The following JAKMIP3 variants were observed in gnomAD, a reference collection of about 807,000 sequenced individuals.
JAKMIP3 encodes Janus kinase and microtubule interacting protein 3, also known as janus kinase and microtubule-interacting protein 3.
In JAKMIP3, 58 loss-of-function variants were observed where a neutral mutation model predicts 118.5. The ratio of observed to expected loss-of-function variants is 0.49; its 90% CI spans 0.40 to 0.61. JAKMIP3 has a LOEUF of 0.61. JAKMIP3 is among the 20% of genes least tolerant of loss of function. The probability of loss-of-function intolerance (pLI) is 0.00; values close to 1 mark genes in which losing one functional copy is unlikely to be tolerated. For synonymous variants in JAKMIP3, 486 were observed against 451.2 expected (o/e 1.08, Z -0.98); for missense variants, 950 against 1,109.0 (o/e 0.86, Z 2.04).
intron 21 of JAKMIP3, among the ~76,000 whole-genome samples, chr10:132,166,319 C>A (rs1291849691): frequency 6.6e-6 from 1 of 152,124 alleles, no homozygotes; most frequent in African/African-American, 2.4e-5. Context: ...GACTGAGATC[C>A]TGTCTCCAAA....
intron 23 of JAKMIP3, among the ~76,000 whole-genome samples, chr10:132,180,951 A>G (rs1171402023): frequency 1.3e-5 from 2 of 151,952 alleles, no homozygotes; most frequent in Admixed American, 6.6e-5. Context: ...ACACATGTAC[A>G]GTGCATTTGT....
At chr10:132,166,729 CT>C (rs1419905247) in intron 21 of JAKMIP3, among the ~76,000 whole-genome samples, 1 of 152,146 alleles carries the variant, frequency 6.6e-6, no homozygotes, top group Non-Finnish European at 1.5e-5. Flanking sequence ...TGTGGGGCCC[CT>C]GACCAGCGCC....
chr10:132,041,666 C>A (rs537110881), intron 1 of JAKMIP3, among the ~76,000 whole-genome samples: 1 of 152,196 alleles, frequency 6.6e-6, no homozygotes, highest in African/African-American at 2.4e-5. Flanking sequence ...AAACATAGCA[C>A]GCTGGCCCCG....
chr10:132,136,462 C>T lies in JAKMIP3; in HGVS notation c.1116+386C>T, dbSNP rs149118046. On this transcript the variant is annotated intron_variant, in intron 6 of 23. Coordinates refer to ENST00000684848, the MANE Select transcript of JAKMIP3 (RefSeq NM_001323087.2). ...CTGGCACACAGCGCCAAGCAGGAGTCGGGGGCAGGGAGTCTCTGCTCCGCC... is the reference window on the plus strand; with the variant it reads ...CTGGCACACAGCGCCAAGCAGGAGTTGGGGGCAGGGAGTCTCTGCTCCGCC... 3.6e-3 allele frequency among the ~76,000 whole-genome samples: 544 copies of T among 152,192 alleles called. 2 individuals are homozygous for T. Among genetic ancestry groups the T allele is most frequent in the African/African-American group, 0.012 (511 of 41,524 alleles).
chr10:132,040,013 AAC>A (rs1455511069), intron 1 of JAKMIP3, among the ~76,000 whole-genome samples: 1 of 152,254 alleles, frequency 6.6e-6, no homozygotes, highest in African/African-American at 2.4e-5. Context: ...ACTCATAACT[AAC>A]ACGTGCCCAG....
At position 132,148,041 on chromosome 10, in the gene JAKMIP3, G is replaced by A. The variant is rs2054988794; in HGVS notation, c.1839G>A (p.Leu613=). 1 of 1,607,122 alleles carries A rather than the reference G, an allele frequency of 6.2e-7. No individual in the cohort carries two copies. Among genetic ancestry groups the A allele is most frequent in the African/African-American group, 1.3e-5 (1 of 74,964 alleles). The change falls in exon 14 of 24, where the codon CTG becomes CTA. Residue 613 remains leucine, a synonymous_variant. Transcript: ENST00000684848. ...DQNELLEFRI[L]ELEERERKSP... ...ACGAGCTGCTGGAGTTCAGGATCCT[G>A]GAGCTTGAGGTAGCTGAGTGGATGG...
At chr10:132,159,266 G>T (rs142256659) in intron 19 of JAKMIP3, among the ~76,000 whole-genome samples, 1 of 141,952 alleles carries the variant, frequency 7.0e-6, no homozygotes, top group Non-Finnish European at 1.5e-5. Context: ...GTGTGATGTC[G>T]GGGGCACCTC....
intron 1 of JAKMIP3, among the ~76,000 whole-genome samples, chr10:132,059,045 G>A (rs1055193973): frequency 1.3e-5 from 2 of 152,342 alleles, no homozygotes; most frequent in South Asian, 4.1e-4. Context: ...TGCCCGGCTT[G>A]TGTCTGTCTG....
In JAKMIP3 at chr10:132,183,409, G is replaced by A. The variant is rs1037142742; in HGVS notation, c.*2156G>A. ...ACATTCCCAGATTCACATCCCTCAT[G>A]TTTATTTGGGTCATCATGGTTTAGC... On this transcript the variant is annotated 3_prime_UTR_variant, in exon 24 of 24. Coordinates refer to ENST00000684848, the MANE Select transcript of JAKMIP3 (RefSeq NM_001323087.2). 1 of 152,200 alleles carries A rather than the reference G, an allele frequency of 6.6e-6. No homozygotes were observed. The highest frequency in any genetic ancestry group is 1.5e-5 in the Non-Finnish European group (1 of 68,044). The allele number at this position is 152,200 out of a possible 1,614,324, so 9.4% of individuals were successfully genotyped here.
intron 2 of JAKMIP3, among the ~76,000 whole-genome samples, chr10:132,108,903 C>CGCAAATGTATATATAAATTATATA (rs2046326546): frequency 6.8e-6 from 1 of 147,510 alleles, no homozygotes; most frequent in African/African-American, 2.5e-5. Flanking sequence ...AAATTATATA[C>CGCAAATGTATATATAAATTATATA]GCAAATGTAT....
intron 23 of JAKMIP3, chr10:132,169,885 AG>A (rs1258233591): frequency 1.3e-5 from 2 of 152,654 alleles, no homozygotes; most frequent in African/African-American, 4.8e-5. Flanking sequence ...GGAGGTGCGA[AG>A]GGGGCGGCGG....
chr10:132,176,507 C>T (rs1434769853), intron 23 of JAKMIP3, among the ~76,000 whole-genome samples: 1 of 152,184 alleles, frequency 6.6e-6, no homozygotes, highest in African/African-American at 2.4e-5. Context: ...CAAACACTGA[C>T]CTCTGACTTC....
chr10:132,152,584 G>A (rs1183366582), intron 16 of JAKMIP3, among the ~76,000 whole-genome samples: 1 of 152,216 alleles, frequency 6.6e-6, no homozygotes, highest in African/African-American at 2.4e-5. Context: ...AGGTGCATAT[G>A]CAGAGGCTGG....
chr10:132,142,286 TGTGA>T (rs748862125), intron 11 of JAKMIP3, among the ~76,000 whole-genome samples: 2 of 151,882 alleles, frequency 1.3e-5, no homozygotes, highest in Non-Finnish European at 2.9e-5. Flanking sequence ...CAGGCACAGG[TGTGA>T]GTAAGGGTCC....
chr10:132,127,521 C>T (rs1268541252), intron 3 of JAKMIP3, among the ~76,000 whole-genome samples: 1 of 152,160 alleles, frequency 6.6e-6, no homozygotes, highest in African/African-American at 2.4e-5. Flanking sequence ...TTCCAAAGTG[C>T]TGGGATTACA....
At chr10:132,099,264 A>C (rs899625741) in intron 1 of JAKMIP3, among the ~76,000 whole-genome samples, 5 of 152,180 alleles carry the variant, frequency 3.3e-5, no homozygotes, top group Admixed American at 6.5e-5. Flanking sequence ...GTGGTGATTC[A>C]CCGGCGGTGG....
At chr10:132,172,596 T>C (rs2059606041) in intron 23 of JAKMIP3, among the ~76,000 whole-genome samples, 1 of 152,000 alleles carries the variant, frequency 6.6e-6, no homozygotes, top group Non-Finnish European at 1.5e-5. Context: ...TGTATCGCAC[T>C]GTATGCTTCC....
In JAKMIP3 at chr10:132,137,309, G is replaced by T. The variant is rs377716938; in HGVS notation, c.1284+20G>T. On this transcript the variant is annotated intron_variant, in intron 8 of 23. Coordinates refer to ENST00000684848, the MANE Select transcript of JAKMIP3 (RefSeq NM_001323087.2). ...GTGTTAGTAAGTATGGTCAGCGCCC[G>T]CTTCCCCACGCCTCCGCTCCCCACG... 8.1e-6 allele frequency: 13 copies of T among 1,613,562 alleles called. No homozygotes were observed. Among genetic ancestry groups the T allele is most frequent in the Admixed American group, 1.7e-5 (1 of 60,022 alleles).
chr10:132,136,103 C>A (rs369309965), intron 6 of JAKMIP3, 27 bp downstream of exon 6: 63 of 1,609,288 alleles, frequency 3.9e-5, no homozygotes, highest in Admixed American at 2.3e-4. Flanking sequence ...CTCCACGGGG[C>A]CACGGTCGCA....
Sources: gnomAD v4.1 joint callset for allele counts (sites outside exome capture counted in the v4.1 genomes callset) on GRCh38, gnomAD v4.1.1 for gene constraint, MANE v1.5 for transcripts, NCBI Gene and HGNC (gene_info 2026-07-23, HGNC 2026-07-21) for gene names.